Variants in RGS6 observed in about 807,000 individuals in gnomAD.
RGS6 encodes regulator of G-protein signaling 6.
RGS6 carries 30 observed loss-of-function variants against 78.5 expected under a neutral mutation model. That is an observed-to-expected ratio of 0.38 (90% confidence interval 0.29 to 0.52). The LOEUF is 0.52. Among genes scored for constraint, RGS6 ranks in the 20% least tolerant of loss-of-function variants. RGS6 has a pLI of 0.85. For synonymous variants in RGS6, 206 were observed against 206.0 expected (o/e 1.00, Z 0.00); for missense variants, 495 against 609.7 (o/e 0.81, Z 1.98).
chr14:71,904,174 AT>A, the RGS6 span, among the ~76,000 whole-genome samples: 1 of 152,062 alleles, frequency 6.6e-6, no homozygotes, highest in South Asian at 2.1e-4. Context: ...GAGCATCCTG[AT>A]TTTTTTCTCA....
chr14:72,198,946 C>T lies in RGS6; in HGVS notation c.85-153149C>T, dbSNP rs114603900. 1.4e-3 allele frequency among the ~76,000 whole-genome samples: 210 copies of T among 152,314 alleles called. 1 individual carries two copies. The highest frequency in any genetic ancestry group is 4.9e-3 in the African/African-American group (202 of 41,580). ...TATAGGACAGAAATTACTTCAGAAA[C>T]GTAACAAGGTTTAAGCAATCCAGTG... On this transcript the variant is annotated intron_variant, in intron 2 of 17. Transcript: ENST00000553525.
At chr14:72,040,880 G>A (rs1164504051) in intron 2 of RGS6, among the ~76,000 whole-genome samples, 2 of 152,132 alleles carry the variant, frequency 1.3e-5, no homozygotes, top group East Asian at 3.9e-4. Flanking sequence ...TTCCAATTCA[G>A]TTGTTGTATT....
intron 15 of RGS6, among the ~76,000 whole-genome samples, chr14:72,532,170 T>C (rs2097190632): frequency 2.0e-5 from 3 of 152,254 alleles, no homozygotes; most frequent in Non-Finnish European, 4.4e-5. Flanking sequence ...TGTGCTTACT[T>C]TGTGTCTGTG....
chr14:72,012,922 A>G (rs557618683), intron 2 of RGS6, among the ~76,000 whole-genome samples: 30 of 152,298 alleles, frequency 2.0e-4, no homozygotes, highest in Non-Finnish European at 3.4e-4. Context: ...GCAATTGTTT[A>G]TAAGGTATTT....
Position 72,044,087 on chromosome 14 carries a change from T to C in RGS6, c.84+79212T>C, listed in dbSNP as rs116525516. On this transcript the variant is annotated intron_variant, in intron 2 of 17. Transcript: ENST00000553525. ...ATTCTTTCTTCAGCCATGACTAGTCTCCTCATGAGCCCATCAAAAACATTC... is the reference window on the plus strand; with the variant it reads ...ATTCTTTCTTCAGCCATGACTAGTCCCCTCATGAGCCCATCAAAAACATTC... 7.2e-3 allele frequency among the ~76,000 whole-genome samples: 1,100 copies of C among 152,320 alleles called. 13 individuals carry two copies. Among genetic ancestry groups the C allele is most frequent in the African/African-American group, 0.025 (1,039 of 41,574 alleles).
At chr14:72,024,727 T>C (rs1162180347) in intron 2 of RGS6, among the ~76,000 whole-genome samples, 1 of 152,200 alleles carries the variant, frequency 6.6e-6, no homozygotes, top group East Asian at 1.9e-4. Flanking sequence ...GTAACACAGA[T>C]AAGTGAGTTG....
chr14:72,474,199 TC>T (rs533602608), intron 9 of RGS6: 165 of 154,142 alleles, frequency 1.1e-3, no homozygotes, highest in African/African-American at 3.7e-3. Context: ...TTAAAACAAA[TC>T]TTGCATTTTC....
At chr14:71,949,534 A>T (rs2092038504) in intron 1 of RGS6, among the ~76,000 whole-genome samples, 1 of 152,098 alleles carries the variant, frequency 6.6e-6, no homozygotes, top group African/African-American at 2.4e-5. Flanking sequence ...ATTGAGTTGT[A>T]GAAATCTTCT....
At chr14:72,189,259 G>A (rs1269483746) in intron 2 of RGS6, among the ~76,000 whole-genome samples, 2 of 152,088 alleles carry the variant, frequency 1.3e-5, no homozygotes, top group Non-Finnish European at 2.9e-5. Context: ...CACCAAAGTG[G>A]GCAGTTCGTT....
intron 15 of RGS6, among the ~76,000 whole-genome samples, chr14:72,535,853 G>A (rs2097243786): frequency 6.7e-6 from 1 of 150,108 alleles, no homozygotes; most frequent in Non-Finnish European, 1.5e-5. Flanking sequence ...ATTCATCCAA[G>A]TTGTTGTTGG....
At chr14:72,489,309 T>C (rs1213703197) in intron 12 of RGS6, among the ~76,000 whole-genome samples, 3 of 152,114 alleles carry the variant, frequency 2.0e-5, no homozygotes, top group Non-Finnish European at 4.4e-5. Context: ...AGGATTTCGG[T>C]TTTCTGCTGC....
chr14:72,447,056 G>A (rs1275172653), intron 3 of RGS6, among the ~76,000 whole-genome samples: 1 of 152,150 alleles, frequency 6.6e-6, no homozygotes, highest in African/African-American at 2.4e-5. Context: ...GGAGGAGGAA[G>A]GGAAGGCACG....
chr14:72,200,175 G>A (rs1314905361), intron 2 of RGS6, among the ~76,000 whole-genome samples: 1 of 152,222 alleles, frequency 6.6e-6, no homozygotes, highest in African/African-American at 2.4e-5. Context: ...AGGGAATCTA[G>A]TCTATTCTCA....
At chr14:72,077,692 G>A (rs1294175662) in intron 2 of RGS6, among the ~76,000 whole-genome samples, 3 of 152,032 alleles carry the variant, frequency 2.0e-5, no homozygotes, top group African/African-American at 7.3e-5. Flanking sequence ...TACATCTAAA[G>A]AACAAGCACA....
At chr14:72,550,450 A>C in intron 17 of RGS6, 2 of 1,535,114 alleles carry the variant, frequency 1.3e-6, no homozygotes, top group Non-Finnish European at 1.7e-6. Flanking sequence ...CCCCGTGCCT[A>C]ACAGGAAAAG....
At chr14:72,582,713 C>T in the RGS6 span, among the ~76,000 whole-genome samples, 1 of 152,146 alleles carries the variant, frequency 6.6e-6, no homozygotes, top group East Asian at 1.9e-4. Flanking sequence ...ATCTGTTCAT[C>T]AGCATGTAGT....
At chr14:72,249,820 G>A (rs2055173728) in intron 2 of RGS6, among the ~76,000 whole-genome samples, 1 of 152,028 alleles carries the variant, frequency 6.6e-6, no homozygotes, top group African/African-American at 2.4e-5. Context: ...ATTCACAATA[G>A]CAAAGACTTG....
chr14:72,403,831 C>T (rs558496493), intron 3 of RGS6, among the ~76,000 whole-genome samples: 1 of 152,344 alleles, frequency 6.6e-6, no homozygotes, highest in East Asian at 1.9e-4. Context: ...TTAAGCCCAT[C>T]TGCAGGCCTA....
In RGS6 at chr14:72,078,420, T is replaced by C. The variant is rs1382473783; in HGVS notation, c.84+113545T>C. Among the ~76,000 whole-genome samples the C allele has an allele frequency of 3.4e-5, 5 of 148,468 alleles. No individual in the cohort carries two copies. In the Admixed American group the frequency reaches 3.4e-4, roughly 10 times the overall value. The stretch of plus-strand genomic sequence containing the variant: ...TTTCTTTTATTCTTTTCTTTCTTTC[T>C]TTTTTTTTTAAGAGATGGAGTCTTG... On this transcript the variant is annotated intron_variant, in intron 2 of 17. Coordinates refer to ENST00000553525, the MANE Select transcript of RGS6 (RefSeq NM_001204424.2).
Sources: allele counts gnomAD v4.1 joint callset (sites outside exome capture counted in the v4.1 genomes callset), GRCh38; gene constraint gnomAD v4.1.1; transcripts MANE v1.5; gene names NCBI Gene and HGNC (gene_info 2026-07-23, HGNC 2026-07-21).